The following NLGN4Y variants were observed in gnomAD, a reference collection of about 807,000 sequenced individuals.
NLGN4Y encodes neuroligin-4, Y-linked.
A neutral mutation model predicts 8.4 loss-of-function variants in NLGN4Y; 4 were observed. That is an observed-to-expected ratio of 0.48 (90% confidence interval 0.23 to 1.09). The LOEUF (loss-of-function observed/expected upper bound fraction) is 1.09, where lower values mean the gene tolerates loss of function less well. NLGN4Y is among the 50% of genes least tolerant of loss of function. NLGN4Y has a pLI of 0.19. For missense variants in NLGN4Y, 90 were observed against 192.3 expected (o/e 0.47, Z 3.15); for synonymous variants, 35 against 75.6 (o/e 0.46, Z 2.78).
chrY:14,570,677 G>A (rs572981305), intron 1 of NLGN4Y, among the ~76,000 whole-genome samples: 9 of 32,040 alleles, frequency 2.8e-4, no homozygotes, highest in African/African-American at 1.1e-3. Context: ...CATGTGCTAT[G>A]TTAGTGTACT....
At chrY:14,626,099 G>A (rs2080526355) in intron 2 of NLGN4Y, among the ~76,000 whole-genome samples, 1 of 33,743 alleles carries the variant, frequency 3.0e-5, no homozygotes, top group Non-Finnish European at 7.3e-5. Flanking sequence ...ATAAAGGTGT[G>A]TCCGGAATTG....
chrY:14,811,885 A>G (rs2043081713), intron 4 of NLGN4Y, among the ~76,000 whole-genome samples: 1 of 33,690 alleles, frequency 3.0e-5, no homozygotes, highest in African/African-American at 1.2e-4. Flanking sequence ...AGAAGGAAAA[A>G]CTGATTCCTG....
intron 4 of NLGN4Y, among the ~76,000 whole-genome samples, chrY:14,784,594 A>C: frequency 1.8e-4 from 5 of 28,365 alleles, no homozygotes; most frequent in Non-Finnish European, 3.3e-4. Flanking sequence ...CGGGAGGCGG[A>C]GCTTGCAGTG....
At chrY:14,785,636 T>C in intron 4 of NLGN4Y, among the ~76,000 whole-genome samples, 2 of 32,293 alleles carry the variant, frequency 6.2e-5, no homozygotes, top group African/African-American at 1.2e-4. Flanking sequence ...CTGTGGCGGC[T>C]GCCTGTAGTC....
At position 14,572,953 on chromosome Y, in the gene NLGN4Y, G is replaced by A. The variant is rs374682731; in HGVS notation, c.-112+48245G>A. Among the ~76,000 whole-genome samples, 148 of 33,376 alleles carry A rather than the reference G, an allele frequency of 4.4e-3. No individual in the cohort carries two copies. The South Asian group carries it at 0.071, about 16-fold the overall frequency. The allele number at this position is 33,376 out of a possible 37,273, so 89.5% of individuals were successfully genotyped here. On this transcript the variant is annotated intron_variant, in intron 1 of 6. Coordinates refer to ENST00000684976, the MANE Select transcript of NLGN4Y (RefSeq NM_001365588.1). ...TGCATCCCAGGGATGAAGCCCACTT[G>A]ATCATGGTGGATAAATTTTTGATGT...
In NLGN4Y at chrY:14,597,629, A is replaced by G. The variant is rs372395075; in HGVS notation, c.-111-24380A>G. On this transcript the variant is annotated intron_variant, in intron 1 of 6. Coordinates refer to ENST00000684976, the MANE Select transcript of NLGN4Y (RefSeq NM_001365588.1). ...CTAAACAGAGGGTGCTGATTGGTGT[A>G]TTTACAATCCTTGAGCTAGATAGAG... Among the ~76,000 whole-genome samples, 160 of 33,179 alleles carry G rather than the reference A, an allele frequency of 4.8e-3. No homozygotes were observed. The South Asian group carries it at 0.074, about 15-fold the overall frequency. The allele number at this position is 33,179 out of a possible 37,273, so 89.0% of individuals were successfully genotyped here.
chrY:14,808,130 C>A, intron 4 of NLGN4Y, among the ~76,000 whole-genome samples: 1 of 32,947 alleles, frequency 3.0e-5, no homozygotes, highest in African/African-American at 1.2e-4. Flanking sequence ...CTCCCAGGTC[C>A]AAGTGATTCT....
chrY:14,745,567 TTTC>T, intron 4 of NLGN4Y, among the ~76,000 whole-genome samples: 1 of 33,988 alleles, frequency 2.9e-5, no homozygotes, highest in Admixed American at 2.7e-4. Flanking sequence ...TGGTGGCATA[TTTC>T]TTCTTGGCAA....
At chrY:14,786,794 C>G (rs2042968867) in intron 4 of NLGN4Y, among the ~76,000 whole-genome samples, 1 of 32,879 alleles carries the variant, frequency 3.0e-5, no homozygotes, top group Non-Finnish European at 7.4e-5. Flanking sequence ...TACTTGACTT[C>G]CTGCAGAACC....
intron 1 of NLGN4Y, among the ~76,000 whole-genome samples, chrY:14,565,395 T>A: frequency 3.3e-5 from 1 of 30,579 alleles, no homozygotes; most frequent in Non-Finnish European, 7.8e-5. Flanking sequence ...AATTGCTGAA[T>A]TGATCAAGCA....
chrY:14,654,154 T>A, intron 2 of NLGN4Y, among the ~76,000 whole-genome samples: 1 of 33,714 alleles, frequency 3.0e-5, no homozygotes, highest in Non-Finnish European at 7.4e-5. Context: ...CTTTTACATG[T>A]TTTCAAGCTT....
chrY:14,829,115 TTGGGTACC>T (rs2043160945), intron 5 of NLGN4Y, among the ~76,000 whole-genome samples: 2 of 33,870 alleles, frequency 5.9e-5, no homozygotes, highest in African/African-American at 1.2e-4. Context: ...TACTTGTTAG[TTGGGTACC>T]TGGTTGAGGA....
intron 5 of NLGN4Y, among the ~76,000 whole-genome samples, chrY:14,828,352 T>C (rs750002157): frequency 9.5e-5 from 3 of 31,495 alleles, no homozygotes; most frequent in Non-Finnish European, 2.3e-4. Context: ...TATATATATA[T>C]ACACACAAAA....
intron 4 of NLGN4Y, among the ~76,000 whole-genome samples, chrY:14,796,179 G>T (rs2043007297): frequency 3.1e-5 from 1 of 32,580 alleles, no homozygotes; most frequent in African/African-American, 1.2e-4. Flanking sequence ...TTAAACAAGG[G>T]GTTTTTCTCT....
Position 14,719,521 on chromosome Y carries a change from A to AT in NLGN4Y, c.532+9dup. The AT allele has an allele frequency of 6.3e-6, 2 of 317,659 alleles. No individual in the cohort carries two copies. Among genetic ancestry groups the AT allele is most frequent in the Non-Finnish European group, 8.7e-6 (2 of 228,672 alleles). 79.2% of individuals were successfully genotyped at this position (317,659 alleles called of 400,897 possible). ...TAATGACCATGGTGAAGATAAAGGT[A>AT]TTTTTTGTTTTTTCAAAGCTCAACC... On this transcript the variant is annotated splice_donor_region_variant and intron_variant, in intron 3 of 6. Transcript: ENST00000684976.
At chrY:14,572,614 G>T (rs2080276608) in intron 1 of NLGN4Y, among the ~76,000 whole-genome samples, 1 of 32,672 alleles carries the variant, frequency 3.1e-5, no homozygotes, top group Non-Finnish European at 7.5e-5. Flanking sequence ...GATTGCCCTG[G>T]CCAGAACTTC....
At chrY:14,619,916 G>T in intron 1 of NLGN4Y, among the ~76,000 whole-genome samples, 1 of 33,736 alleles carries the variant, frequency 3.0e-5, no homozygotes, top group African/African-American at 1.1e-4. Flanking sequence ...GCAAATTAAT[G>T]CAGAAACAGT....
intron 2 of NLGN4Y, among the ~76,000 whole-genome samples, chrY:14,695,306 A>T (rs749646982): frequency 3.0e-5 from 1 of 33,807 alleles, no homozygotes; most frequent in African/African-American, 1.1e-4. Context: ...GTATCATGGG[A>T]TACATAATGT....
intron 1 of NLGN4Y, among the ~76,000 whole-genome samples, chrY:14,551,279 AT>A (rs2080191690): frequency 3.0e-5 from 1 of 33,322 alleles, no homozygotes. Context: ...GAGCATCTAG[AT>A]TCATAAAGCA....
Sources: gnomAD v4.1 joint callset for allele counts (sites outside exome capture counted in the v4.1 genomes callset) on GRCh38, gnomAD v4.1.1 for gene constraint, MANE v1.5 for transcripts, NCBI Gene and HGNC (gene_info 2026-07-23, HGNC 2026-07-21) for gene names.